The following NFIB variants were observed in gnomAD, a reference collection of about 807,000 sequenced individuals.
NFIB encodes nuclear factor 1 B-type.
In NFIB, 11 loss-of-function variants were observed where a neutral mutation model predicts 61.5. The ratio of observed to expected loss-of-function variants is 0.18; its 90% confidence interval spans 0.11 to 0.30. The LOEUF (loss-of-function observed/expected upper bound fraction) is 0.30, where lower values mean the gene tolerates loss of function less well. Ranked by LOEUF, NFIB falls within the 10% of genes least tolerant of loss-of-function variation. The pLI is 1.00. For missense variants in NFIB, 471 were observed against 608.9 expected (o/e 0.77, Z 2.38); for synonymous variants, 260 against 216.5 (o/e 1.20, Z -1.76).
At chr9:14,233,995 T>C (rs1015143567) in intron 2 of NFIB, among the ~76,000 whole-genome samples, 6 of 152,200 alleles carry the variant, frequency 3.9e-5, no homozygotes, top group African/African-American at 1.2e-4. Flanking sequence ...CTATCAATTA[T>C]AATTAGCAAA....
chr9:14,444,213 G>A, the NFIB span, among the ~76,000 whole-genome samples: 1 of 152,176 alleles, frequency 6.6e-6, no homozygotes, highest in Admixed American at 6.5e-5. Flanking sequence ...AGAGGCTTAG[G>A]GTTAGAGTAA....
At chr9:14,450,281 T>C in the NFIB span, among the ~76,000 whole-genome samples, 2 of 152,200 alleles carry the variant, frequency 1.3e-5, no homozygotes, top group Non-Finnish European at 2.9e-5. Flanking sequence ...ATTAAAGTCC[T>C]CTGTATAACT....
intron 3 of NFIB, among the ~76,000 whole-genome samples, chr9:14,158,826 T>G (rs1329651563): frequency 1.3e-5 from 2 of 152,210 alleles, no homozygotes; most frequent in African/African-American, 4.8e-5. Context: ...TGTACTAATG[T>G]GTAATGTCAA....
At chr9:14,186,401 CTCTT>C (rs1316510013) in intron 2 of NFIB, among the ~76,000 whole-genome samples, 7 of 152,072 alleles carry the variant, frequency 4.6e-5, no homozygotes, top group Non-Finnish European at 1.0e-4. Flanking sequence ...TCAGAACAGT[CTCTT>C]TCTTTCTCTC....
chr9:14,445,839 A>T, the NFIB span, among the ~76,000 whole-genome samples: 1 of 152,230 alleles, frequency 6.6e-6, no homozygotes, highest in Non-Finnish European at 1.5e-5. Flanking sequence ...GTCACTTTTC[A>T]TTCTCTTCTT....
intron 1 of NFIB, among the ~76,000 whole-genome samples, chr9:14,393,929 G>T (rs1209358564): frequency 2.6e-5 from 4 of 152,170 alleles, no homozygotes; most frequent in South Asian, 2.1e-4. Context: ...TACAGAAATG[G>T]TTATCCCAAC....
chr9:14,504,306 G>T, the NFIB span, among the ~76,000 whole-genome samples: 2 of 152,212 alleles, frequency 1.3e-5, no homozygotes, highest in East Asian at 3.9e-4. Flanking sequence ...CTTTGGCTAT[G>T]CTGGCTCTTT....
intron 7 of NFIB, among the ~76,000 whole-genome samples, chr9:14,123,446 T>C (rs1368404787): frequency 1.3e-5 from 2 of 152,176 alleles, no homozygotes; most frequent in Non-Finnish European, 2.9e-5. Context: ...AATTACTTTT[T>C]AAAAACACCA....
intron 3 of NFIB, among the ~76,000 whole-genome samples, chr9:14,179,275 A>G: frequency 6.6e-6 from 1 of 152,170 alleles, no homozygotes; most frequent in East Asian, 1.9e-4. Flanking sequence ...TATGGAATAA[A>G]AAGTCTTGCA....
At chr9:14,284,700 T>C (rs138549529) in intron 2 of NFIB, among the ~76,000 whole-genome samples, 153 of 152,350 alleles carry the variant, frequency 1.0e-3, no homozygotes, top group African/African-American at 3.6e-3. Flanking sequence ...ATATTTTATT[T>C]GAAAAATATC....
the NFIB span, among the ~76,000 whole-genome samples, chr9:14,462,039 C>T: frequency 6.6e-6 from 1 of 152,182 alleles, no homozygotes; most frequent in Non-Finnish European, 1.5e-5. Flanking sequence ...ACCTCCTGGG[C>T]AGAGTGTCCT....
At chr9:14,293,877 A>G (rs2044506962) in intron 2 of NFIB, among the ~76,000 whole-genome samples, 1 of 152,180 alleles carries the variant, frequency 6.6e-6, no homozygotes, top group Non-Finnish European at 1.5e-5. Context: ...ATTCACCAAA[A>G]AACAAAACCT....
chr9:14,382,581 G>A (rs2061501740), intron 1 of NFIB, among the ~76,000 whole-genome samples: 1 of 151,964 alleles, frequency 6.6e-6, no homozygotes, highest in African/African-American at 2.4e-5. Context: ...AAATAGTTTG[G>A]CATTATCTAG....
intron 2 of NFIB, among the ~76,000 whole-genome samples, chr9:14,214,328 C>A (rs1171168986): frequency 6.6e-6 from 1 of 152,238 alleles, no homozygotes; most frequent in Non-Finnish European, 1.5e-5. Flanking sequence ...TAGAGCCCCA[C>A]TTACGTGGTC....
At chr9:14,430,874 G>A in the NFIB span, among the ~76,000 whole-genome samples, 3 of 152,050 alleles carry the variant, frequency 2.0e-5, no homozygotes, top group African/African-American at 4.8e-5. Flanking sequence ...GAGCCACCAC[G>A]TCCGGCCCTG....
intron 1 of NFIB, among the ~76,000 whole-genome samples, chr9:14,350,617 A>T (rs1250481003): frequency 1.3e-5 from 2 of 152,182 alleles, no homozygotes; most frequent in East Asian, 3.9e-4. Flanking sequence ...GGGAGGGACA[A>T]CAGGGGCTTT....
intron 2 of NFIB, among the ~76,000 whole-genome samples, chr9:14,220,966 C>G (rs2051594259): frequency 1.3e-5 from 2 of 151,876 alleles, no homozygotes; most frequent in South Asian, 2.1e-4. Flanking sequence ...ATCCTACCTA[C>G]TAGCCCATCT....
At chr9:14,116,671 G>A (rs2038194590) in intron 8 of NFIB, among the ~76,000 whole-genome samples, 2 of 152,212 alleles carry the variant, frequency 1.3e-5, no homozygotes, top group Non-Finnish European at 2.9e-5. Context: ...TTAGCCCAAA[G>A]GCTAAAATGG....
At chr9:14,137,508 T>G (rs1474767316) in intron 6 of NFIB, among the ~76,000 whole-genome samples, 9 of 152,178 alleles carry the variant, frequency 5.9e-5, no homozygotes, top group Admixed American at 5.9e-4. Context: ...ATTCTTGGAC[T>G]CCAATAGATT....
Sources: gnomAD v4.1 joint callset for allele counts (sites outside exome capture counted in the v4.1 genomes callset) on GRCh38, gnomAD v4.1.1 for gene constraint, MANE v1.5 for transcripts, NCBI Gene and HGNC (gene_info 2026-07-23, HGNC 2026-07-21) for gene names.